The following ANKRD30A variants were observed in gnomAD, a reference collection of about 807,000 sequenced individuals.
ANKRD30A encodes ankyrin repeat domain-containing protein 30A.
In ANKRD30A, 170 loss-of-function variants were observed where a neutral mutation model predicts 166.3. The observed-to-expected ratio is 1.02, with a 90% confidence interval of 0.90 to 1.16. The LOEUF is 1.16. ANKRD30A is among the 50% of genes most tolerant of loss of function. The pLI is 0.00. For synonymous variants in ANKRD30A, 564 were observed against 508.9 expected, an observed-to-expected ratio of 1.11 and a Z score of -1.46; for missense variants, 1,630 against 1,518.0, an observed-to-expected ratio of 1.07 and a Z score of -1.23.
the ANKRD30A span, among the ~76,000 whole-genome samples, chr10:37,262,202 C>T: frequency 1.3e-5 from 2 of 152,186 alleles, no homozygotes; most frequent in African/African-American, 2.4e-5. Flanking sequence ...GAACAACACT[C>T]AGAAAGATGG....
At chr10:37,178,139 G>A (rs1443740377) in intron 24 of ANKRD30A, among the ~76,000 whole-genome samples, 5 of 151,396 alleles carry the variant, frequency 3.3e-5, no homozygotes, top group South Asian at 2.1e-4. Flanking sequence ...GGAAAAGATC[G>A]GGTATGGTTA....
intron 15 of ANKRD30A, among the ~76,000 whole-genome samples, chr10:37,161,359 A>G (rs1838851005): frequency 6.6e-6 from 1 of 152,230 alleles, no homozygotes; most frequent in African/African-American, 2.4e-5. Flanking sequence ...AGATACTATC[A>G]CTAAACAAAG....
At chr10:37,224,690 T>C (rs917383869) in intron 34 of ANKRD30A, among the ~76,000 whole-genome samples, 6 of 151,428 alleles carry the variant, frequency 4.0e-5, no homozygotes, top group Non-Finnish European at 7.4e-5. Flanking sequence ...TTTCTCTCAT[T>C]ATCTTTCTCT....
At chr10:37,194,014 G>C (rs551214797) in intron 27 of ANKRD30A, among the ~76,000 whole-genome samples, 1 of 152,228 alleles carries the variant, frequency 6.6e-6, no homozygotes, top group African/African-American at 2.4e-5. Flanking sequence ...GGTCAAATTA[G>C]TGAAACCCCA....
intron 9 of ANKRD30A, among the ~76,000 whole-genome samples, chr10:37,148,284 G>T (rs1443418935): frequency 6.6e-6 from 1 of 152,006 alleles, no homozygotes; most frequent in East Asian, 1.9e-4. Context: ...AGGGTCAAGA[G>T]AAAGCATTAT....
chr10:37,178,397 G>A (rs1445308986), intron 24 of ANKRD30A: 1 of 524,376 alleles, frequency 1.9e-6, no homozygotes, highest in Non-Finnish European at 2.5e-6. Flanking sequence ...TAGAAAGTCA[G>A]CTGAAAACCT....
chr10:37,135,593 G>C (rs1274445421), intron 5 of ANKRD30A, among the ~76,000 whole-genome samples: 1 of 152,056 alleles, frequency 6.6e-6, no homozygotes, highest in Non-Finnish European at 1.5e-5. Flanking sequence ...AAAAAACAGT[G>C]GTGGGTTTTG....
rs1842602224 is a variant in ANKRD30A at position 37,216,243 on chromosome 10, CA to C, written c.2937del (p.Asp980IlefsTer13). 1.2e-6 allele frequency: 2 copies of C among 1,607,742 alleles called. No homozygotes were observed. The highest frequency in any genetic ancestry group is 2.7e-5 in the African/African-American group (2 of 74,404). The part of the protein sequence containing the change: ...VHSCERAREL[Q>X]KDHCEQRTGK... ...TTCTTGTGAAAGAGCAAGGGAACTT[CA>C]AAAAGATCACTGTGAACAACGTACA... On this transcript the variant is annotated frameshift_variant, in exon 32 of 36. Transcript: ENST00000361713. LOFTEE classifies it high-confidence loss of function.
intron 6 of ANKRD30A, among the ~76,000 whole-genome samples, chr10:37,138,713 C>T (rs1210942767): frequency 6.6e-6 from 1 of 152,156 alleles, no homozygotes; most frequent in South Asian, 2.1e-4. Context: ...GCCTCCAAGA[C>T]ATATGGGGCT....
Position 37,134,351 on chromosome 10 carries a change from T to A in ANKRD30A, c.755+298T>A, listed in dbSNP as rs538162008. Among the ~76,000 whole-genome samples, 307 of 152,208 alleles carry A rather than the reference T, an allele frequency of 2.0e-3. 1 individual carries two copies. Among genetic ancestry groups the A allele is most frequent in the Non-Finnish European group, 3.4e-3 (229 of 67,994 alleles). On this transcript the variant is annotated intron_variant, in intron 5 of 35. Coordinates refer to ENST00000361713, the MANE Select transcript of ANKRD30A (RefSeq NM_052997.3). ...TCCATATCTAAATACTTGAATTTTT[T>A]AAAAAAAATCTAAGGAGTTCCCTAA...
intron 7 of ANKRD30A, among the ~76,000 whole-genome samples, chr10:37,143,660 G>GA (rs917980593): frequency 1.2e-4 from 18 of 146,704 alleles, no homozygotes; most frequent in African/African-American, 3.0e-4. Flanking sequence ...TCTAAAAAAA[G>GA]AAAAAAAAAT....
At chr10:37,258,772 G>T in the ANKRD30A span, among the ~76,000 whole-genome samples, 1 of 151,508 alleles carries the variant, frequency 6.6e-6, no homozygotes, top group East Asian at 1.9e-4. Flanking sequence ...GACCATCCTG[G>T]CTAACAAGGT....
chr10:37,196,114 T>G (rs1175968472), intron 27 of ANKRD30A, among the ~76,000 whole-genome samples: 2 of 144,802 alleles, frequency 1.4e-5, no homozygotes, highest in African/African-American at 5.2e-5. Context: ...TTTTTTTTTG[T>G]AGTAGAAGCA....
In ANKRD30A at chr10:37,152,175, A is replaced by T. The variant is rs541948867; in HGVS notation, c.1707+54A>T. The T allele has an allele frequency of 3.5e-6, 5 of 1,422,094 alleles. No homozygotes were observed. The African/African-American group carries it at 5.7e-5, about 16-fold the overall frequency. 88.1% of individuals were successfully genotyped at this position (1,422,094 alleles called of 1,614,324 possible). On this transcript the variant is annotated intron_variant, in intron 12 of 35. Coordinates refer to ENST00000361713, the MANE Select transcript of ANKRD30A (RefSeq NM_052997.3). Reference sequence around the variant, plus strand: ...TATTAGTATTGCATGATATGAAAACATAAAGGCAGAGGCTTAGGCTTTATT... The same window carrying T: ...TATTAGTATTGCATGATATGAAAACTTAAAGGCAGAGGCTTAGGCTTTATT...
intron 34 of ANKRD30A, among the ~76,000 whole-genome samples, chr10:37,226,045 A>G (rs1843133472): frequency 2.6e-5 from 4 of 151,746 alleles, no homozygotes; most frequent in South Asian, 4.2e-4. Context: ...TGTTCAAATC[A>G]CAGTACATGG....
chr10:37,191,147 T>G (rs1840533767), intron 25 of ANKRD30A, among the ~76,000 whole-genome samples: 1 of 151,526 alleles, frequency 6.6e-6, no homozygotes, highest in Non-Finnish European at 1.5e-5. Context: ...TATTGAAAGC[T>G]TATTAAATTT....
At chr10:37,209,297 C>A (rs760293519) in intron 31 of ANKRD30A, among the ~76,000 whole-genome samples, 1 of 152,054 alleles carries the variant, frequency 6.6e-6, no homozygotes, top group Non-Finnish European at 1.5e-5. Flanking sequence ...ATTTCATTGG[C>A]GCACAGTTCT....
chr10:37,142,191 G>A lies in ANKRD30A; in HGVS notation c.1294G>A (p.Ala432Thr), dbSNP rs1443657019. 1.2e-6 allele frequency: 2 copies of A among 1,613,948 alleles called. No individual in the cohort carries two copies. The highest frequency in any genetic ancestry group is 1.7e-6 in the Non-Finnish European group (2 of 1,180,004). The change falls in exon 7 of 36, where the codon GCA becomes ACA. Residue 432 changes from alanine (A) to threonine (T), a missense_variant. Coordinates refer to ENST00000361713, the MANE Select transcript of ANKRD30A (RefSeq NM_052997.3). ...AACACCTGTAAAGACTGGATGCGTG[G>A]CAAGAGTAACATCTAATAAAACTAA... ...KETPVKTGCVARVTSNKTKVL... is the reference protein window; with the variant it reads ...KETPVKTGCVTRVTSNKTKVL...
chr10:37,149,845 A>G lies in ANKRD30A; in HGVS notation c.1641A>G (p.Arg547=), dbSNP rs1837786454. The G allele has an allele frequency of 6.2e-7, 1 of 1,612,510 alleles. No individual in the cohort carries two copies. The highest frequency in any genetic ancestry group is 1.7e-5 in the Admixed American group (1 of 59,908). Residue 547 remains arginine (R), a synonymous_variant, in exon 11 of 36, where the codon AGA becomes AGG. Transcript: ENST00000361713. ...AATTGAAGAATGAACAAACATTGAG[A>G]GCAGGTAAATTTTTCAATTTAACTA... The part of the protein sequence containing the change: ...AFELKNEQTL[R]ADPMFPPESK...
Sources: gnomAD v4.1 joint callset for allele counts (sites outside exome capture counted in the v4.1 genomes callset) on GRCh38, gnomAD v4.1.1 for gene constraint, MANE v1.5 for transcripts, NCBI Gene and HGNC (gene_info 2026-07-23, HGNC 2026-07-21) for gene names.